The following CEP63 variants were observed in gnomAD, a reference collection of about 807,000 sequenced individuals.
CEP63 encodes the protein centrosomal protein of 63 kDa.
CEP63 carries 84 observed loss-of-function variants against 89.1 expected under a neutral mutation model. The ratio of observed to expected loss-of-function variants is 0.94; its 90% CI spans 0.79 to 1.13. CEP63 has a LOEUF of 1.13. CEP63 is among the 50% of genes most tolerant of loss of function. The pLI is 0.00. For synonymous variants in CEP63, 267 were observed against 272.5 expected (o/e 0.98, Z 0.20); for missense variants, 838 against 813.3 (o/e 1.03, Z -0.37).
the CEP63 span, chr3:134,607,681 G>T: frequency 7.1e-6 from 7 of 985,644 alleles, no homozygotes; most frequent in Admixed American, 6.1e-5. Flanking sequence ...GGCCCTCCAG[G>T]GCAGCCCCCG....
chr3:134,749,925 G>T, the CEP63 span, among the ~76,000 whole-genome samples: 1 of 152,060 alleles, frequency 6.6e-6, no homozygotes, highest in East Asian at 1.9e-4. Context: ...GCTAATGGGT[G>T]TGAGCGCCCA....
At chr3:134,582,028 A>G (rs967168032) in intron 10 of CEP63, among the ~76,000 whole-genome samples, 3 of 152,176 alleles carry the variant, frequency 2.0e-5, no homozygotes, top group African/African-American at 7.2e-5. Context: ...GATAAAAAGC[A>G]TGATCAAATA....
chr3:134,486,316 T>G, intron 1 of CEP63, 114 bp downstream of exon 1: 4 of 985,506 alleles, frequency 4.1e-6, no homozygotes, highest in Non-Finnish European at 4.8e-6. Flanking sequence ...CAGGCTGCCT[T>G]GGTGATTCTG....
the CEP63 span, among the ~76,000 whole-genome samples, chr3:134,717,785 A>T: frequency 6.6e-6 from 1 of 152,224 alleles, no homozygotes; most frequent in Non-Finnish European, 1.5e-5. Flanking sequence ...ACAATAGAGA[A>T]TCACTGTCCT....
the CEP63 span, among the ~76,000 whole-genome samples, chr3:134,677,821 C>T: frequency 6.6e-6 from 1 of 151,858 alleles, no homozygotes; most frequent in Non-Finnish European, 1.5e-5. Flanking sequence ...TGGCAACATT[C>T]CTCCTCCCTC....
At chr3:134,494,185 G>A (rs1013359515) in intron 1 of CEP63, among the ~76,000 whole-genome samples, 4 of 151,200 alleles carry the variant, frequency 2.6e-5, no homozygotes, top group African/African-American at 7.3e-5. Flanking sequence ...GTGTGATCTC[G>A]GATCACTGCA....
At chr3:134,730,086 C>A in the CEP63 span, among the ~76,000 whole-genome samples, 278 of 152,272 alleles carry the variant, frequency 1.8e-3, 1 homozygote, top group Middle Eastern at 6.8e-3. Flanking sequence ...CTGGCACTCT[C>A]CAGTGAAATG....
the CEP63 span, among the ~76,000 whole-genome samples, chr3:134,765,247 G>A: frequency 1.3e-5 from 2 of 152,342 alleles, no homozygotes; most frequent in South Asian, 4.1e-4. Flanking sequence ...TAAGACAAAT[G>A]ATCAAATTCA....
chr3:134,689,441 A>T, the CEP63 span, among the ~76,000 whole-genome samples: 1 of 131,498 alleles, frequency 7.6e-6, no homozygotes, highest in East Asian at 2.0e-4. Flanking sequence ...AAAGGACCTT[A>T]TTTATTATTA....
At chr3:134,663,159 A>T in the CEP63 span, among the ~76,000 whole-genome samples, 1 of 152,182 alleles carries the variant, frequency 6.6e-6, no homozygotes. Context: ...GGCACCCAGG[A>T]TGTGCACAGT....
At chr3:134,678,877 T>G in the CEP63 span, among the ~76,000 whole-genome samples, 4 of 152,216 alleles carry the variant, frequency 2.6e-5, no homozygotes, top group African/African-American at 9.6e-5. Flanking sequence ...AAGACCCAGC[T>G]GAGGCCCTGA....
the CEP63 span, among the ~76,000 whole-genome samples, chr3:134,672,554 G>C: frequency 6.6e-6 from 1 of 152,124 alleles, no homozygotes; most frequent in African/African-American, 2.4e-5. Context: ...TGAAAAAGGG[G>C]GAAAGGCAAA....
downstream of CEP63, among the ~76,000 whole-genome samples, chr3:134,588,453 G>T (rs1236573800): frequency 6.6e-6 from 1 of 152,106 alleles, no homozygotes; most frequent in East Asian, 1.9e-4. Context: ...CTAAGTGTTC[G>T]GAAATTAGGC....
chr3:134,651,013 C>A, the CEP63 span: 133 of 1,609,744 alleles, frequency 8.3e-5, 1 homozygote, highest in Non-Finnish European at 1.1e-4. Context: ...AGGCTGCTTG[C>A]GCTGCAAATG....
chr3:134,545,751 A>G lies in CEP63; in HGVS notation c.721A>G (p.Ser241Gly). The change falls in exon 7 of 15, where the codon AGT becomes GGT. Residue 241 changes from serine (S) to glycine (G), a missense_variant. Transcript: ENST00000675561. ...TMRVNDLVGT[S>G]MTVLQEQQQK... is the part of the protein sequence containing the mutation. ...GAGGGTCAATGACTTGGTTGGAACC[A>G]GTATGACTGTCCTACAGGAGCAGCA... 6.2e-7 allele frequency: 1 copy of G among 1,614,150 alleles called. No homozygotes were observed. Among genetic ancestry groups the G allele is most frequent in the East Asian group, 2.2e-5 (1 of 44,870 alleles).
the CEP63 span, among the ~76,000 whole-genome samples, chr3:134,742,657 G>A: frequency 6.6e-6 from 1 of 152,174 alleles, no homozygotes; most frequent in Admixed American, 6.5e-5. Flanking sequence ...AATTGTCAAT[G>A]TAACAGTGTT....
the CEP63 span, among the ~76,000 whole-genome samples, chr3:134,765,235 A>C: frequency 6.6e-6 from 1 of 152,248 alleles, no homozygotes; most frequent in Non-Finnish European, 1.5e-5. Flanking sequence ...CTAATGTCCC[A>C]ATAAGACAAA....
chr3:134,715,595 C>A, the CEP63 span, among the ~76,000 whole-genome samples: 1 of 149,256 alleles, frequency 6.7e-6, no homozygotes, highest in Non-Finnish European at 1.5e-5. Context: ...TCTCACAGTG[C>A]ATTGCACATT....
At chr3:134,765,193 G>A in the CEP63 span, among the ~76,000 whole-genome samples, 390 of 152,312 alleles carry the variant, frequency 2.6e-3, 1 homozygote, top group African/African-American at 8.5e-3. Flanking sequence ...GTATGTATAA[G>A]GTATTCATAT....
Sources: allele counts gnomAD v4.1 joint callset (sites outside exome capture counted in the v4.1 genomes callset), GRCh38; gene constraint gnomAD v4.1.1; transcripts MANE v1.5; gene names NCBI Gene and HGNC (gene_info 2026-07-23, HGNC 2026-07-21).